Variants in CGNL1 observed in about 807,000 individuals in gnomAD.
CGNL1 encodes cingulin-like protein 1.
CGNL1 carries 132 observed loss-of-function variants against 141.2 expected under a neutral mutation model. The observed-to-expected ratio is 0.93, with a 90% CI of 0.81 to 1.08. CGNL1 has a LOEUF of 1.08. CGNL1 is among the 50% of genes least tolerant of loss of function. The pLI is 0.00. For missense variants in CGNL1, 1,870 were observed against 1,588.6 expected (o/e 1.18, Z -3.01); for synonymous variants, 690 against 622.1 (o/e 1.11, Z -1.63).
chr15:57,511,253 C>T (rs2152399972), intron 8 of CGNL1, among the ~76,000 whole-genome samples: 1 of 152,292 alleles, frequency 6.6e-6, no homozygotes, highest in South Asian at 2.1e-4. Context: ...ATCCCTCTTA[C>T]CTTCTTTTTA....
rs2031774921 is a variant in CGNL1 at position 57,528,757 on chromosome 15, A to G, written c.3143A>G (p.Glu1048Gly). 1.2e-6 allele frequency: 2 copies of G among 1,614,028 alleles called. No individual in the cohort carries two copies. Among genetic ancestry groups the G allele is most frequent in the Non-Finnish European group, 8.5e-7 (1 of 1,180,016 alleles). Residue 1048 changes from glutamate (E) to glycine (G), a missense_variant, in exon 13 of 19, where the codon GAG becomes GGG. Physicochemically the swap from Glu to Gly is moderately conservative, Grantham distance 98 (BLOSUM62 -2). Coordinates refer to ENST00000281282, the MANE Select transcript of CGNL1 (RefSeq NM_032866.5). ...LEQTLKDLEY[E>G]LEAKSHLKDD... Reference sequence around the variant, plus strand: ...CAGACGCTGAAGGACCTGGAGTATGAGCTGGAAGCCAAGAGTCACCTCAAA... The same window carrying G: ...CAGACGCTGAAGGACCTGGAGTATGGGCTGGAAGCCAAGAGTCACCTCAAA...
rs1429414871 is a variant in CGNL1 at position 57,516,926 on chromosome 15, G to A, written c.2550G>A (p.Arg850=). ...AGCGGAGAGTTGCTCAGCTTCAAAG[G>A]CAGATCGAGGACCTGAAAGGCGATG... ...ELERRVAQLQ[R]QIEDLKGDEA... is the part of the protein sequence containing the mutation. The change falls in exon 9 of 19, where the codon AGG becomes AGA. Residue 850 remains arginine (R), a synonymous_variant. Coordinates refer to ENST00000281282, the MANE Select transcript of CGNL1 (RefSeq NM_032866.5). 1 of 1,613,516 alleles carries A rather than the reference G, an allele frequency of 6.2e-7. No individual in the cohort carries two copies. Among genetic ancestry groups the A allele is most frequent in the African/African-American group, 1.3e-5 (1 of 74,490 alleles).
At chr15:57,395,528 G>C (rs1304911790) in intron 1 of CGNL1, among the ~76,000 whole-genome samples, 1 of 152,190 alleles carries the variant, frequency 6.6e-6, no homozygotes, top group Admixed American at 6.6e-5. Context: ...GTCTGGCCTT[G>C]ACTCGTTAAT....
rs751506021 is a variant in CGNL1 at position 57,439,598 on chromosome 15, T to G, written c.1599T>G (p.Thr533=). The G allele has an allele frequency of 4.2e-5, 67 of 1,612,808 alleles. 2 individuals are homozygous for G. In the South Asian group the frequency reaches 7.0e-4, roughly 17 times the overall value. The stretch of plus-strand genomic sequence containing the variant: ...AGACATTTCCTTCGGCCTCAAATAC[T>G]CAGGTAACACTAGTGCGATTCCTGT... The part of the protein sequence containing the change: ...SVKTFPSASN[T]QATPDLLKGQ... The change falls in exon 2 of 19, where the codon ACT becomes ACG. Residue 533 remains threonine, a synonymous_variant. Transcript: ENST00000281282.
At chr15:57,535,188 C>G (rs1341783484) in intron 14 of CGNL1, among the ~76,000 whole-genome samples, 1 of 152,168 alleles carries the variant, frequency 6.6e-6, no homozygotes, top group African/African-American at 2.4e-5. Context: ...GTCTCAATTT[C>G]CAAGGCAGTG....
intron 1 of CGNL1, among the ~76,000 whole-genome samples, chr15:57,415,257 C>G (rs1244924558): frequency 6.6e-6 from 1 of 152,148 alleles, no homozygotes; most frequent in Non-Finnish European, 1.5e-5. Flanking sequence ...TGCCATCTTG[C>G]ACAGCAAAAA....
At chr15:57,487,107 C>G (rs2063795351) in intron 8 of CGNL1, among the ~76,000 whole-genome samples, 1 of 152,172 alleles carries the variant, frequency 6.6e-6, no homozygotes, top group Admixed American at 6.5e-5. Context: ...CCACACTAAA[C>G]TCTAATTGCC....
chr15:57,385,103 C>A (rs548155147), intron 1 of CGNL1, among the ~76,000 whole-genome samples: 4 of 152,326 alleles, frequency 2.6e-5, no homozygotes, highest in African/African-American at 9.6e-5. Flanking sequence ...GACTTCCATG[C>A]ATTGTTCGGG....
At chr15:57,532,741 C>A (rs1202558083) in intron 14 of CGNL1, among the ~76,000 whole-genome samples, 2 of 152,212 alleles carry the variant, frequency 1.3e-5, no homozygotes, top group Non-Finnish European at 2.9e-5. Flanking sequence ...CTTTCTGTTG[C>A]ACCTAACATG....
At chr15:57,458,444 T>G (rs1002943123) in intron 7 of CGNL1, among the ~76,000 whole-genome samples, 10 of 152,226 alleles carry the variant, frequency 6.6e-5, no homozygotes, top group Non-Finnish European at 4.4e-5. Flanking sequence ...ACAGTCCACT[T>G]AAGCAACAGA....
intron 10 of CGNL1, 30 bp downstream of exon 10, chr15:57,518,527 C>T: frequency 6.8e-7 from 1 of 1,478,246 alleles, no homozygotes; most frequent in South Asian, 1.2e-5. Context: ...GTCATTACTC[C>T]CTCAAGAAGA....
chr15:57,423,855 G>C (rs529917981), intron 1 of CGNL1, among the ~76,000 whole-genome samples: 18 of 152,316 alleles, frequency 1.2e-4, no homozygotes, highest in African/African-American at 4.1e-4. Flanking sequence ...ATCTCGGGTG[G>C]AATCCACGAT....
rs1416535593 is a variant in CGNL1, at chr15:57,423,840, AT to A, written c.-15-14143del. Among the ~76,000 whole-genome samples the A allele has an allele frequency of 2.0e-5, 3 of 152,212 alleles. No individual in the cohort carries two copies. In the South Asian group the frequency reaches 6.2e-4, roughly 32 times the overall value. On this transcript the variant is annotated intron_variant, in intron 1 of 18. Transcript: ENST00000281282. ...ATGTGGGAAAAGCAGATGATGATTC[AT>A]TGGATCTCGGGTGGAATCCACGATT... is the stretch of plus-strand genomic sequence containing the variant.
At chr15:57,519,019 T>A (rs1283039667) in intron 10 of CGNL1, among the ~76,000 whole-genome samples, 1 of 152,232 alleles carries the variant, frequency 6.6e-6, no homozygotes, top group East Asian at 1.9e-4. Flanking sequence ...TCCTTCAGGA[T>A]GGCTATTCAG....
intron 1 of CGNL1, among the ~76,000 whole-genome samples, chr15:57,388,241 G>T (rs1467073801): frequency 6.6e-6 from 1 of 152,168 alleles, no homozygotes; most frequent in Non-Finnish European, 1.5e-5. Flanking sequence ...AGTAGGCCCC[G>T]AGAAGAGGAA....
At position 57,550,145 on chromosome 15, in the gene CGNL1, T is replaced by G. The variant is rs2033048901; in HGVS notation, c.*2655T>G. On this transcript the variant is annotated 3_prime_UTR_variant, in exon 19 of 19. Coordinates refer to ENST00000281282, the MANE Select transcript of CGNL1 (RefSeq NM_032866.5). ...AATAGGCTGTTATGCGTTTTGACAA[T>G]TGCGCTATCCTACACTCTGAGGGAG... The G allele has an allele frequency of 6.6e-6, 1 of 152,064 alleles. No homozygotes were observed. The highest frequency in any genetic ancestry group is 2.4e-5 in the African/African-American group (1 of 41,294). The allele number at this position is 152,064 out of a possible 1,614,324, so 9.4% of individuals were successfully genotyped here.
chr15:57,403,518 G>A (rs751114251), intron 1 of CGNL1, among the ~76,000 whole-genome samples: 20 of 152,226 alleles, frequency 1.3e-4, no homozygotes, highest in Non-Finnish European at 2.6e-4. Context: ...AGGATTCATC[G>A]ACTACAGGGA....
At chr15:57,450,427 C>T (rs1171140607) in intron 4 of CGNL1, among the ~76,000 whole-genome samples, 1 of 152,106 alleles carries the variant, frequency 6.6e-6, no homozygotes, top group Non-Finnish European at 1.5e-5. Context: ...CAGACGTGTG[C>T]CACTACGCCC....
intron 1 of CGNL1, among the ~76,000 whole-genome samples, chr15:57,390,572 T>G (rs1286006688): frequency 2.0e-5 from 3 of 152,138 alleles, no homozygotes; most frequent in African/African-American, 4.8e-5. Flanking sequence ...TCATTCACAA[T>G]GGTAGAGAAT....
Sources: gnomAD v4.1 joint callset for allele counts (sites outside exome capture counted in the v4.1 genomes callset) on GRCh38, gnomAD v4.1.1 for gene constraint, MANE v1.5 for transcripts, NCBI Gene and HGNC (gene_info 2026-07-23, HGNC 2026-07-21) for gene names.